LRP1B: variants seen among roughly 807,000 people sequenced by gnomAD.
The protein encoded by LRP1B is low-density lipoprotein receptor-related protein 1B.
LRP1B carries 217 observed loss-of-function variants against 556.6 expected under a neutral mutation model. The observed-to-expected ratio is 0.39, with a 90% confidence interval of 0.35 to 0.44. The LOEUF (loss-of-function observed/expected upper bound fraction) is 0.44. LRP1B is among the 20% of genes least tolerant of loss of function. The probability of loss-of-function intolerance (pLI) is 1.00; values close to 1 mark genes in which losing one functional copy is unlikely to be tolerated. For synonymous variants in LRP1B, 2,047 were observed against 1,865.8 expected (o/e 1.10, Z -2.50); for missense variants, 5,053 against 5,620.8 (o/e 0.90, Z 3.23).
At chr2:140,844,977 A>G (rs17576906) in intron 29 of LRP1B, among the ~76,000 whole-genome samples, 8,997 of 152,298 alleles carry the variant, frequency 0.059, 317 homozygotes, top group Middle Eastern at 0.095. Context: ...CCTTAAACTT[A>G]CAAAGAATGG....
chr2:141,855,580 T>C (rs1303163864), intron 1 of LRP1B, among the ~76,000 whole-genome samples: 1 of 152,134 alleles, frequency 6.6e-6, no homozygotes, highest in African/African-American at 2.4e-5. Context: ...TATTTTGTGA[T>C]GTGAACTGAA....
At chr2:141,853,005 TAAAG>T (rs979194959) in intron 1 of LRP1B, among the ~76,000 whole-genome samples, 5 of 151,674 alleles carry the variant, frequency 3.3e-5, no homozygotes, top group South Asian at 2.1e-4. Context: ...AAAATGGAAA[TAAAG>T]AAAAACAATA....
chr2:141,073,628 C>G (rs1699704414), intron 7 of LRP1B, among the ~76,000 whole-genome samples: 1 of 152,196 alleles, frequency 6.6e-6, no homozygotes, highest in African/African-American at 2.4e-5. Flanking sequence ...TGCTGAGATT[C>G]TTTTGGATAT....
intron 1 of LRP1B, among the ~76,000 whole-genome samples, chr2:141,838,046 C>CA (rs1339431344): frequency 6.6e-6 from 1 of 152,082 alleles, no homozygotes; most frequent in Non-Finnish European, 1.5e-5. Flanking sequence ...TAGCAAAACA[C>CA]AGAGTAGCTT....
chr2:140,508,511 G>T (rs1404433033), intron 52 of LRP1B, among the ~76,000 whole-genome samples: 1 of 151,966 alleles, frequency 6.6e-6, no homozygotes, highest in South Asian at 2.1e-4. Context: ...ATATAATCAG[G>T]CATAATTTAC....
intron 2 of LRP1B, among the ~76,000 whole-genome samples, chr2:141,715,982 A>T (rs1290896546): frequency 6.6e-6 from 1 of 152,208 alleles, no homozygotes; most frequent in Non-Finnish European, 1.5e-5. Context: ...ATTTGTTGAT[A>T]GTCAAAGTCA....
chr2:140,359,917 C>G (rs904208648), intron 72 of LRP1B, among the ~76,000 whole-genome samples: 2 of 151,584 alleles, frequency 1.3e-5, no homozygotes, highest in Non-Finnish European at 3.0e-5. Flanking sequence ...ATGTATTCCT[C>G]TCATTGACCA....
chr2:140,653,923 G>T (rs898060015), intron 41 of LRP1B, among the ~76,000 whole-genome samples: 4 of 150,690 alleles, frequency 2.7e-5, no homozygotes, highest in African/African-American at 9.8e-5. Context: ...TACTTGGGAG[G>T]CTGAGGCAGG....
intron 2 of LRP1B, among the ~76,000 whole-genome samples, chr2:141,675,027 A>G (rs1690822676): frequency 6.6e-6 from 1 of 151,950 alleles, no homozygotes; most frequent in Non-Finnish European, 1.5e-5. Context: ...GCATACTTAA[A>G]TATGTTTAGA....
At chr2:141,126,801 G>C (rs1217243073) in intron 7 of LRP1B, among the ~76,000 whole-genome samples, 1 of 152,014 alleles carries the variant, frequency 6.6e-6, no homozygotes, top group Non-Finnish European at 1.5e-5. Context: ...TACTAGCTCA[G>C]GTTCCCTAGT....
intron 2 of LRP1B, among the ~76,000 whole-genome samples, chr2:141,715,175 G>A (rs1692531904): frequency 6.6e-6 from 1 of 152,082 alleles, no homozygotes; most frequent in African/African-American, 2.4e-5. Flanking sequence ...GAACATTAAA[G>A]TTAGCAATTT....
At chr2:141,460,426 A>G (rs753542341) in intron 3 of LRP1B, among the ~76,000 whole-genome samples, 5 of 152,152 alleles carry the variant, frequency 3.3e-5, no homozygotes, top group Admixed American at 2.0e-4. Context: ...GCTGAGAAAC[A>G]GTAATTGGAG....
chr2:140,429,382 A>C (rs1685815622), intron 66 of LRP1B, among the ~76,000 whole-genome samples: 1 of 152,030 alleles, frequency 6.6e-6, no homozygotes, highest in African/African-American at 2.4e-5. Flanking sequence ...TCTGTTCTGG[A>C]TCTCAAACAT....
intron 66 of LRP1B, among the ~76,000 whole-genome samples, chr2:140,407,368 AAAAT>A (rs538405666): frequency 3.3e-4 from 51 of 152,280 alleles, no homozygotes; most frequent in Admixed American, 3.2e-3. Context: ...TCTGCACAGC[AAAAT>A]AAATAATCGG....
intron 2 of LRP1B, among the ~76,000 whole-genome samples, chr2:141,686,985 C>G (rs993127179): frequency 1.3e-5 from 2 of 151,820 alleles, no homozygotes; most frequent in Non-Finnish European, 2.9e-5. Flanking sequence ...GACTTCTCAG[C>G]CTTCATAACT....
At chr2:141,794,139 TC>T (rs1428057982) in intron 2 of LRP1B, among the ~76,000 whole-genome samples, 1 of 151,876 alleles carries the variant, frequency 6.6e-6, no homozygotes, top group Non-Finnish European at 1.5e-5. Flanking sequence ...AAGTAACTTT[TC>T]CCCCCACATC....
chr2:141,035,647 G>A (rs899756339), intron 11 of LRP1B, among the ~76,000 whole-genome samples: 4 of 151,794 alleles, frequency 2.6e-5, no homozygotes, highest in Admixed American at 6.6e-5. Context: ...ATATCATCCT[G>A]TACCATCTCT....
At chr2:140,655,812 G>A (rs189318007) in intron 41 of LRP1B, among the ~76,000 whole-genome samples, 1,815 of 151,504 alleles carry the variant, frequency 0.012, 32 homozygotes, top group African/African-American at 0.039. Flanking sequence ...GCATAGTGGC[G>A]GGCGCCTGTA....
At chr2:141,632,972 A>G (rs1688969988) in intron 2 of LRP1B, among the ~76,000 whole-genome samples, 1 of 152,048 alleles carries the variant, frequency 6.6e-6, no homozygotes, top group South Asian at 2.1e-4. Context: ...TAACTTCCAA[A>G]TATGTTCTGG....
Sources: allele counts gnomAD v4.1 joint callset (sites outside exome capture counted in the v4.1 genomes callset), GRCh38; gene constraint gnomAD v4.1.1; transcripts MANE v1.5; gene names NCBI Gene and HGNC (gene_info 2026-07-23, HGNC 2026-07-21).